The following FHIT variants were observed in gnomAD, a reference collection of about 807,000 sequenced individuals.
FHIT encodes the protein bis(5'-adenosyl)-triphosphatase.
A neutral mutation model predicts 17.9 loss-of-function variants in FHIT; 19 were observed. The ratio of observed to expected loss-of-function variants is 1.06; its 90% CI spans 0.74 to 1.56. The LOEUF is 1.56. Ranked by LOEUF, FHIT falls within the 40% of genes most tolerant of loss-of-function variation. The probability of loss-of-function intolerance (pLI) is 0.00; values close to 1 mark genes in which losing one functional copy is unlikely to be tolerated. For missense variants in FHIT, 248 were observed against 189.2 expected (o/e 1.31, Z -1.82); for synonymous variants, 81 against 69.7 (o/e 1.16, Z -0.81).
intron 7 of FHIT, among the ~76,000 whole-genome samples, chr3:59,986,722 ATTTAT>A: frequency 3.0e-5 from 1 of 33,594 alleles, no homozygotes; most frequent in Non-Finnish European, 4.9e-5. Context: ...ATATACATAT[ATTTAT>A]ATAAATATAT....
chr3:59,847,144 C>A (rs769037192), intron 8 of FHIT, among the ~76,000 whole-genome samples: 52 of 152,194 alleles, frequency 3.4e-4, no homozygotes, highest in Non-Finnish European at 5.4e-4. Context: ...AGTTTTTATT[C>A]ATTATTTCTT....
At chr3:60,310,605 C>T (rs1708897028) in intron 5 of FHIT, among the ~76,000 whole-genome samples, 1 of 152,122 alleles carries the variant, frequency 6.6e-6, no homozygotes. Flanking sequence ...CTGGGGAAAA[C>T]TGGAGCCTCC....
At chr3:61,012,304 TC>T (rs1281372051) in intron 3 of FHIT, among the ~76,000 whole-genome samples, 1 of 152,124 alleles carries the variant, frequency 6.6e-6, no homozygotes, top group Non-Finnish European at 1.5e-5. Flanking sequence ...AAATTGAATA[TC>T]TTGAGTGACT....
chr3:60,935,301 G>A (rs1708140673), intron 3 of FHIT, among the ~76,000 whole-genome samples: 1 of 152,104 alleles, frequency 6.6e-6, no homozygotes, highest in East Asian at 1.9e-4. Context: ...CCCTAGCACT[G>A]TGATAACACT....
intron 5 of FHIT, among the ~76,000 whole-genome samples, chr3:60,255,155 TCCTA>T (rs1705924271): frequency 1.3e-5 from 2 of 152,198 alleles, no homozygotes; most frequent in Non-Finnish European, 1.5e-5. Context: ...AGAATTCTCC[TCCTA>T]CCTAACTTTT....
intron 5 of FHIT, among the ~76,000 whole-genome samples, chr3:60,304,450 G>T (rs1708585592): frequency 6.6e-6 from 1 of 151,768 alleles, no homozygotes; most frequent in South Asian, 2.1e-4. Context: ...CACTCTATGA[G>T]CTTTACTGGT....
intron 5 of FHIT, among the ~76,000 whole-genome samples, chr3:60,043,176 C>G (rs1473042945): frequency 6.6e-6 from 1 of 152,226 alleles, no homozygotes; most frequent in Non-Finnish European, 1.5e-5. Flanking sequence ...AACAGCTGCA[C>G]AGCACCCAAC....
At chr3:60,763,740 T>C (rs929416356) in intron 4 of FHIT, among the ~76,000 whole-genome samples, 4 of 152,220 alleles carry the variant, frequency 2.6e-5, no homozygotes, top group Non-Finnish European at 4.4e-5. Flanking sequence ...TTGCTCAGCA[T>C]ATACACAAAT....
At chr3:59,969,219 G>A (rs1045253176) in intron 7 of FHIT, among the ~76,000 whole-genome samples, 1 of 152,158 alleles carries the variant, frequency 6.6e-6, no homozygotes, top group African/African-American at 2.4e-5. Flanking sequence ...TGTTGCTTAA[G>A]AATGTCTCAT....
At chr3:61,123,746 G>C (rs1370586683) in intron 2 of FHIT, among the ~76,000 whole-genome samples, 1 of 152,082 alleles carries the variant, frequency 6.6e-6, no homozygotes, top group African/African-American at 2.4e-5. Flanking sequence ...ACTGGGTGGT[G>C]GGGGTGTTCT....
At chr3:59,965,832 G>C (rs557838507) in intron 7 of FHIT, among the ~76,000 whole-genome samples, 23 of 152,190 alleles carry the variant, frequency 1.5e-4, no homozygotes, top group African/African-American at 5.5e-4. Context: ...TCAGCACAGA[G>C]AAAGTTGAAC....
chr3:61,164,407 C>A (rs1476427536), intron 2 of FHIT, among the ~76,000 whole-genome samples: 1 of 152,170 alleles, frequency 6.6e-6, no homozygotes, highest in Non-Finnish European at 1.5e-5. Context: ...GAAGAGGGAC[C>A]AGCCATCTAG....
intron 1 of FHIT, among the ~76,000 whole-genome samples, chr3:61,211,340 C>T (rs116375594): frequency 1.3e-5 from 2 of 152,144 alleles, no homozygotes; most frequent in Admixed American, 1.3e-4. Context: ...AAACGGCGCA[C>T]CAGAAGATTA....
intron 3 of FHIT, among the ~76,000 whole-genome samples, chr3:60,936,740 A>G (rs1708205239): frequency 6.6e-6 from 1 of 152,200 alleles, no homozygotes; most frequent in South Asian, 2.1e-4. Context: ...TTGTAAATTG[A>G]ACTCCCCTTG....
chr3:60,068,202 T>A (rs1478623667), intron 5 of FHIT, among the ~76,000 whole-genome samples: 2 of 152,036 alleles, frequency 1.3e-5, no homozygotes, highest in Admixed American at 1.3e-4. Context: ...ACCACTGCAC[T>A]CCAGCCTGGG....
chr3:61,133,608 T>C (rs1432211242), intron 2 of FHIT, among the ~76,000 whole-genome samples: 4 of 152,050 alleles, frequency 2.6e-5, no homozygotes, highest in Non-Finnish European at 5.9e-5. Context: ...ATCTATGTAG[T>C]GGAAGAGAGG....
intron 3 of FHIT, among the ~76,000 whole-genome samples, chr3:60,968,986 A>AT (rs916716650): frequency 3.2e-4 from 48 of 151,186 alleles, no homozygotes; most frequent in African/African-American, 8.5e-4. Flanking sequence ...TTTGGCTAGG[A>AT]TTTTTTTTTC....
chr3:60,121,569 A>G (rs761703515), intron 5 of FHIT, among the ~76,000 whole-genome samples: 7 of 152,126 alleles, frequency 4.6e-5, no homozygotes, highest in African/African-American at 7.2e-5. Flanking sequence ...CAGTAATCCC[A>G]GCTGCTTAGG....
chr3:59,923,514 T>C (rs1321658465), intron 7 of FHIT, among the ~76,000 whole-genome samples: 1 of 152,130 alleles, frequency 6.6e-6, no homozygotes, highest in African/African-American at 2.4e-5. Flanking sequence ...TCAGAGCATA[T>C]CTAATTCAAT....
Sources: gnomAD v4.1 joint callset for allele counts (sites outside exome capture counted in the v4.1 genomes callset) on GRCh38, gnomAD v4.1.1 for gene constraint, MANE v1.5 for transcripts, NCBI Gene and HGNC (gene_info 2026-07-23, HGNC 2026-07-21) for gene names.